ZC3H12C: variants seen among roughly 807,000 people sequenced by gnomAD.
The protein encoded by ZC3H12C is zinc finger CCCH-type containing 12C.
ZC3H12C carries 20 observed loss-of-function variants against 76.3 expected under a neutral mutation model. The observed-to-expected ratio is 0.26, with a 90% confidence interval of 0.18 to 0.38. The LOEUF is 0.38. ZC3H12C is among the 10% of genes least tolerant of loss of function. The probability of loss-of-function intolerance (pLI) is 1.00; values close to 1 mark genes in which losing one functional copy is unlikely to be tolerated. For synonymous variants in ZC3H12C, 352 were observed against 399.6 expected (o/e 0.88, Z 1.42); for missense variants, 874 against 1,086.5 (o/e 0.80, Z 2.75).
At chr11:110,144,904 T>C (rs1862135305) in intron 2 of ZC3H12C, among the ~76,000 whole-genome samples, 1 of 152,220 alleles carries the variant, frequency 6.6e-6, no homozygotes, top group Admixed American at 6.5e-5. Context: ...GTTATAATTC[T>C]AAAATAACCC....
At chr11:110,117,345 C>A (rs950693692) in intron 1 of ZC3H12C, among the ~76,000 whole-genome samples, 1 of 152,046 alleles carries the variant, frequency 6.6e-6, no homozygotes, top group Non-Finnish European at 1.5e-5. Flanking sequence ...TCTAATAGAT[C>A]ATTTTAATGT....
chr11:110,127,231 C>T (rs1861765611), intron 1 of ZC3H12C, among the ~76,000 whole-genome samples: 1 of 152,210 alleles, frequency 6.6e-6, no homozygotes, highest in South Asian at 2.1e-4. Flanking sequence ...CCTATATCTA[C>T]AGCAATTTAT....
chr11:110,162,621 C>G (rs1565269526), intron 4 of ZC3H12C, among the ~76,000 whole-genome samples: 1 of 152,142 alleles, frequency 6.6e-6, no homozygotes, highest in Non-Finnish European at 1.5e-5. Flanking sequence ...TTTTCTATCT[C>G]AACTGAGAAG....
chr11:110,099,922 G>C (rs185406514), intron 1 of ZC3H12C, among the ~76,000 whole-genome samples: 1 of 151,094 alleles, frequency 6.6e-6, no homozygotes, highest in Non-Finnish European at 1.5e-5. Context: ...CATAACACTT[G>C]CATATTAGAT....
chr11:110,109,828 A>G (rs2134152286), intron 1 of ZC3H12C, among the ~76,000 whole-genome samples: 1 of 152,290 alleles, frequency 6.6e-6, no homozygotes, highest in South Asian at 2.1e-4. Flanking sequence ...GTTATTTGGA[A>G]GAGCATTTTA....
chr11:110,141,192 G>A (rs1003303758), intron 2 of ZC3H12C, among the ~76,000 whole-genome samples: 5 of 152,108 alleles, frequency 3.3e-5, no homozygotes, highest in African/African-American at 1.2e-4. Flanking sequence ...AATCACTGAA[G>A]TAATTTTCTT....
chr11:110,095,582 A>G (rs1861098704), intron 1 of ZC3H12C, among the ~76,000 whole-genome samples: 1 of 152,196 alleles, frequency 6.6e-6, no homozygotes, highest in Non-Finnish European at 1.5e-5. Context: ...CTCTGCAAAT[A>G]ATTACTTATT....
chr11:110,170,916 A>G lies in ZC3H12C; in HGVS notation c.*5179A>G, dbSNP rs1862666602. 1 of 152,170 alleles carries G rather than the reference A, an allele frequency of 6.6e-6. No individual in the cohort carries two copies. Among genetic ancestry groups the G allele is most frequent in the Non-Finnish European group, 1.5e-5 (1 of 68,020 alleles). The allele number at this position is 152,170 out of a possible 1,614,324, so 9.4% of individuals were successfully genotyped here. The stretch of plus-strand genomic sequence containing the variant: ...TTAACTTAATTATTACTCCTGTTGC[A>G]GTGTTACTGTTATGTATTAGAAGTG... On this transcript the variant is annotated 3_prime_UTR_variant, in exon 6 of 6. Transcript: ENST00000278590.
rs560041714 is a variant in ZC3H12C at position 110,098,621 on chromosome 11, T to C, written c.21+5189T>C. Among the ~76,000 whole-genome samples the C allele has an allele frequency of 9.2e-5, 14 of 152,346 alleles. No individual in the cohort carries two copies. In the South Asian group the frequency reaches 2.9e-3, roughly 32 times the overall value. On this transcript the variant is annotated intron_variant, in intron 1 of 5. Coordinates refer to ENST00000278590, the MANE Select transcript of ZC3H12C (RefSeq NM_033390.2). ...ATATAGGTGTACCATTTTTATCTTATAGACTGCATTTTTACTCTACCTTTT... is the reference window on the plus strand; with the variant it reads ...ATATAGGTGTACCATTTTTATCTTACAGACTGCATTTTTACTCTACCTTTT...
At chr11:110,110,184 G>A (rs1861402266) in intron 1 of ZC3H12C, among the ~76,000 whole-genome samples, 2 of 151,922 alleles carry the variant, frequency 1.3e-5, no homozygotes, top group African/African-American at 4.8e-5. Flanking sequence ...TGCTTGTCAG[G>A]GCTTTTTGTC....
chr11:110,165,246 T>A lies in ZC3H12C; in HGVS notation c.2161T>A (p.Cys721Ser). 6.2e-7 allele frequency: 1 copy of A among 1,614,026 alleles called. No homozygotes were observed. Among genetic ancestry groups the A allele is most frequent in the Non-Finnish European group, 8.5e-7 (1 of 1,179,894 alleles). Residue 721 changes from cysteine (C) to serine (S), a missense_variant, in exon 6 of 6, where the codon TGT becomes AGT. Around this residue, in one of 3 missense-constraint regions of ZC3H12C, gnomAD observed 395 missense variants for 434.4 expected, o/e 0.91. Transcript: ENST00000278590. ...PHSAVGARSS[C>S]PGDYPSPPSS... ...CTCCGCTGTGGGCGCCCGGTCCAGCTGTCCTGGCGACTACCCCTCTCCTCC... is the reference window on the plus strand; with the variant it reads ...CTCCGCTGTGGGCGCCCGGTCCAGCAGTCCTGGCGACTACCCCTCTCCTCC...
At chr11:110,113,215 T>C (rs1388288369) in intron 1 of ZC3H12C, among the ~76,000 whole-genome samples, 1 of 152,224 alleles carries the variant, frequency 6.6e-6, no homozygotes, top group Non-Finnish European at 1.5e-5. Context: ...GATTGTATGA[T>C]GTTGAGTATG....
chr11:110,105,716 TTTTG>T (rs1861310676), intron 1 of ZC3H12C, among the ~76,000 whole-genome samples: 1 of 152,138 alleles, frequency 6.6e-6, no homozygotes, highest in Admixed American at 6.5e-5. Flanking sequence ...GCATATATAG[TTTTG>T]TTTGGTTCTT....
At chr11:110,136,457 G>A (rs1861960521) in intron 1 of ZC3H12C, 3 of 553,808 alleles carry the variant, frequency 5.4e-6, no homozygotes, top group African/African-American at 3.8e-5. Context: ...TGCCTTGGAG[G>A]AATTACATGG....
chr11:110,100,413 T>C (rs187471925), intron 1 of ZC3H12C, among the ~76,000 whole-genome samples: 1 of 152,288 alleles, frequency 6.6e-6, no homozygotes, highest in African/African-American at 2.4e-5. Flanking sequence ...AGTACAGGCA[T>C]ACCTCATTTT....
At chr11:110,135,342 T>C (rs1389041495) in intron 1 of ZC3H12C, among the ~76,000 whole-genome samples, 1 of 151,808 alleles carries the variant, frequency 6.6e-6, no homozygotes, top group Non-Finnish European at 1.5e-5. Flanking sequence ...ATATAAAAAT[T>C]AGCCGAGCAT....
At chr11:110,148,206 C>T (rs653992) in intron 2 of ZC3H12C, among the ~76,000 whole-genome samples, 47,067 of 152,120 alleles carry the variant, frequency 0.31, 8,069 homozygotes, top group African/African-American at 0.47. Context: ...CCAATAATCC[C>T]TTTGAGTGGG....
chr11:110,152,844 C>T (rs1466088635), intron 2 of ZC3H12C, 75 bp from the exon 3 acceptor site: 2 of 1,499,952 alleles, frequency 1.3e-6, no homozygotes, highest in African/African-American at 2.8e-5. Flanking sequence ...GTAATACTTT[C>T]TGTTTATAAA....
chr11:110,095,806 C>T (rs12290448), intron 1 of ZC3H12C, among the ~76,000 whole-genome samples: 32,667 of 152,010 alleles, frequency 0.21, 3,744 homozygotes, highest in Middle Eastern at 0.33. Context: ...AGGGAGTGGG[C>T]GGTCCAGTAT....
Sources: gnomAD v4.1 joint callset for allele counts (sites outside exome capture counted in the v4.1 genomes callset) on GRCh38, gnomAD v4.1.1 for gene constraint, gnomAD v4.1.1 regional missense constraint, MANE v1.5 for transcripts, NCBI Gene and HGNC (gene_info 2026-07-23, HGNC 2026-07-21) for gene names.